PAX2: variants seen among roughly 807,000 people sequenced by gnomAD.
The protein encoded by PAX2 is paired box protein Pax-2.
PAX2 carries 9 observed loss-of-function variants against 41.7 expected under a neutral mutation model. The observed-to-expected ratio is 0.22, with a 90% CI of 0.13 to 0.38. PAX2 has a LOEUF of 0.38. Among genes scored for constraint, PAX2 ranks in the 10% least tolerant of loss-of-function variants. The probability of loss-of-function intolerance (pLI) is 1.00; values close to 1 mark genes in which losing one functional copy is unlikely to be tolerated. For missense variants in PAX2, 418 were observed against 531.6 expected, an observed-to-expected ratio of 0.79 and a Z score of 2.10; for synonymous variants, 221 against 212.7, an observed-to-expected ratio of 1.04 and a Z score of -0.34.
At chr10:100,814,074 C>G (rs540431308) in intron 7 of PAX2, among the ~76,000 whole-genome samples, 2 of 152,112 alleles carry the variant, frequency 1.3e-5, no homozygotes, top group Admixed American at 1.3e-4. Context: ...AGGGGCCGGG[C>G]GCGGTGGCTC....
rs555421113 is a variant in PAX2, at chr10:100,826,393, C to T, written c.1022-616C>T. 5.9e-5 allele frequency among the ~76,000 whole-genome samples: 9 copies of T among 152,298 alleles called. No individual in the cohort carries two copies. In the South Asian group the frequency reaches 1.9e-3, roughly 32 times the overall value. On this transcript the variant is annotated intron_variant, in intron 8 of 9. Coordinates refer to ENST00000355243, the MANE Select transcript of PAX2 (RefSeq NM_000278.5). This position sits in a 1 kb window ranked among gnomAD's most constrained non-coding sequence, Gnocchi z 5.5. ...CCGACGACGGCTCCCAACCCACGGG[C>T]CCTCCGCTCACCGCTAGCGGACCAG... is the stretch of plus-strand genomic sequence containing the variant.
chr10:100,777,985 G>A (rs1027767767), intron 3 of PAX2, among the ~76,000 whole-genome samples: 16 of 152,174 alleles, frequency 1.1e-4, no homozygotes, highest in Admixed American at 5.2e-4. Flanking sequence ...GCAGGCTCGC[G>A]TGGCTTCCGC....
chr10:100,792,938 T>C (rs1202962730), intron 5 of PAX2, among the ~76,000 whole-genome samples: 2 of 152,246 alleles, frequency 1.3e-5, no homozygotes, highest in Non-Finnish European at 2.9e-5. Context: ...TGGCCTTTAC[T>C]GTCGCTCTGA....
chr10:100,828,942 T>A lies in PAX2; in HGVS notation c.*1323T>A, dbSNP rs946237851. The A allele has an allele frequency of 6.6e-6, 1 of 151,134 alleles. No homozygotes were observed. Among genetic ancestry groups the A allele is most frequent in the African/African-American group, 2.6e-5 (1 of 37,910 alleles). The allele number at this position is 151,134 out of a possible 1,614,324, so 9.4% of individuals were successfully genotyped here. ...CTCCGCCCCGCCCCGCCCGGCCCCG[T>A]AGAGTCCCTGTCGCCCGCCGGCCCT... is the stretch of plus-strand genomic sequence containing the variant. On this transcript the variant is annotated 3_prime_UTR_variant, in exon 10 of 10. Transcript: ENST00000355243. This position sits in a 1 kb window ranked among gnomAD's most constrained non-coding sequence, Gnocchi z 6.5.
At chr10:100,746,788 C>CGT (rs1193931973) in intron 1 of PAX2, among the ~76,000 whole-genome samples, 1 of 152,196 alleles carries the variant, frequency 6.6e-6, no homozygotes, top group African/African-American at 2.4e-5. Context: ...ACTTAAGAGT[C>CGT]GTGGGGTCCA....
chr10:100,769,375 C>T (rs1232066654), intron 3 of PAX2, among the ~76,000 whole-genome samples: 1 of 152,120 alleles, frequency 6.6e-6, no homozygotes, highest in Non-Finnish European at 1.5e-5. Flanking sequence ...TGCCTGTAAT[C>T]CCAGCACTTT....
At chr10:100,745,097 G>A (rs965149903), upstream of PAX2, among the ~76,000 whole-genome samples, 10 of 152,102 alleles carry the variant, frequency 6.6e-5, no homozygotes, top group African/African-American at 2.4e-4. Context: ...GGGGCCGCGC[G>A]GCCCAGGCGG....
At chr10:100,752,148 C>T (rs1390105702) in intron 3 of PAX2, among the ~76,000 whole-genome samples, 6 of 152,170 alleles carry the variant, frequency 3.9e-5, no homozygotes, top group African/African-American at 7.2e-5. Context: ...TAATGTACTG[C>T]GAGGCGACCC....
chr10:100,772,918 G>A (rs2133881289), intron 3 of PAX2, among the ~76,000 whole-genome samples: 1 of 152,324 alleles, frequency 6.6e-6, no homozygotes, highest in South Asian at 2.1e-4. Flanking sequence ...TACAGGGGTT[G>A]TCAGCAATTG....
rs1302252605 is a variant in PAX2, at chr10:100,746,129, C to T, written c.-132C>T. 3 of 1,564,502 alleles carry T rather than the reference C, an allele frequency of 1.9e-6. No individual in the cohort carries two copies. Among genetic ancestry groups the T allele is most frequent in the Middle Eastern group, 1.8e-4 (1 of 5,512 alleles). ...GTGCTGCGCCCCCCGCCCCCGCGCGCCCCGCAGCAGCCGGGCGTTCACTCA... is the reference window on the plus strand; with the variant it reads ...GTGCTGCGCCCCCCGCCCCCGCGCGTCCCGCAGCAGCCGGGCGTTCACTCA... On this transcript the variant is annotated 5_prime_UTR_variant, in exon 1 of 10. Coordinates refer to ENST00000355243, the MANE Select transcript of PAX2 (RefSeq NM_000278.5).
chr10:100,789,089 G>A (rs1228365173), intron 5 of PAX2, among the ~76,000 whole-genome samples: 1 of 152,146 alleles, frequency 6.6e-6, no homozygotes, highest in Non-Finnish European at 1.5e-5. Context: ...GGGGGCAGCT[G>A]AGCAGAGTTT....
chr10:100,805,035 C>T (rs71496529), intron 5 of PAX2, among the ~76,000 whole-genome samples: 9 of 105,842 alleles, frequency 8.5e-5, no homozygotes, highest in East Asian at 2.6e-4. Context: ...CACACACACA[C>T]ACACACACAC....
intron 3 of PAX2, among the ~76,000 whole-genome samples, chr10:100,754,799 C>A (rs1166143384): frequency 6.6e-6 from 1 of 152,204 alleles, no homozygotes; most frequent in Non-Finnish European, 1.5e-5. Flanking sequence ...ATTGCCTATT[C>A]TACTCTTGGA....
chr10:100,788,130 G>A (rs1243592652), intron 5 of PAX2, among the ~76,000 whole-genome samples: 1 of 152,182 alleles, frequency 6.6e-6, no homozygotes, highest in Non-Finnish European at 1.5e-5. Context: ...TCACATGGAT[G>A]TGCAAGCAAT....
chr10:100,817,738 G>A (rs1276351040), intron 7 of PAX2, among the ~76,000 whole-genome samples: 1 of 152,200 alleles, frequency 6.6e-6, no homozygotes, highest in Non-Finnish European at 1.5e-5. Context: ...CAGAGCCTGG[G>A]GCTGTGGGCT....
chr10:100,737,874 G>C (rs1403005649), intron 1 of PAX2, among the ~76,000 whole-genome samples: 4 of 152,244 alleles, frequency 2.6e-5, no homozygotes, highest in African/African-American at 9.6e-5. Context: ...GTTTGCGAAG[G>C]ATGCGGGTTT....
At chr10:100,809,562 A>T (rs573282772) in intron 7 of PAX2, among the ~76,000 whole-genome samples, 6 of 152,076 alleles carry the variant, frequency 3.9e-5, no homozygotes, top group Non-Finnish European at 8.8e-5. Flanking sequence ...TCTTGTTAGG[A>T]TGTCTGCAGA....
chr10:100,735,767 C>T, intron 1 of PAX2: 1 of 1,026,702 alleles, frequency 9.7e-7, no homozygotes, highest in Non-Finnish European at 1.2e-6. Flanking sequence ...GCGCCGCAGG[C>T]GAGGACTAGG....
In PAX2 at chr10:100,745,693, G is replaced by C. The variant is rs1845131387; in HGVS notation, c.-568G>C. 2 of 956,134 alleles carry C rather than the reference G, an allele frequency of 2.1e-6. No homozygotes were observed. The highest frequency in any genetic ancestry group is 2.5e-6 in the Non-Finnish European group (2 of 792,120). The allele number at this position is 956,134 out of a possible 1,614,324, so 59.2% of individuals were successfully genotyped here. On this transcript the variant is annotated 5_prime_UTR_variant, in exon 1 of 10. Transcript: ENST00000355243. ...CGGCCCTTCGGCCGCGGCGGCGTGC[G>C]CCTGCCTTTTCCGGGGGCGGGGGCC...
Sources: allele counts gnomAD v4.1 joint callset (sites outside exome capture counted in the v4.1 genomes callset), GRCh38; gene constraint gnomAD v4.1.1; non-coding constraint Gnocchi (gnomAD v3.1); transcripts MANE v1.5; gene names NCBI Gene and HGNC (gene_info 2026-07-23, HGNC 2026-07-21).